The following HACL1 variants were observed in gnomAD, a reference collection of about 807,000 sequenced individuals.
The protein encoded by HACL1 is 1600020H07Rik.
HACL1 carries 64 observed loss-of-function variants against 74.2 expected under a neutral mutation model. The ratio of observed to expected loss-of-function variants is 0.86; its 90% CI spans 0.70 to 1.06. The LOEUF is 1.06. Ranked by LOEUF, HACL1 falls within the 50% of genes least tolerant of loss-of-function variation. The probability of loss-of-function intolerance (pLI) is 0.00; values close to 1 mark genes in which losing one functional copy is unlikely to be tolerated. For synonymous variants in HACL1, 230 were observed against 238.8 expected (o/e 0.96, Z 0.34); for missense variants, 728 against 719.7 (o/e 1.01, Z -0.13).
At chr3:15,592,516 GTATACA>G (rs1347604792) in intron 3 of HACL1, among the ~76,000 whole-genome samples, 9 of 144,674 alleles carry the variant, frequency 6.2e-5, no homozygotes, top group Non-Finnish European at 1.3e-4. Context: ...ATATACACTT[GTATACA>G]TATACACATG....
At chr3:15,578,854 T>A (rs2063671175) in intron 9 of HACL1, among the ~76,000 whole-genome samples, 1 of 152,098 alleles carries the variant, frequency 6.6e-6, no homozygotes, top group Non-Finnish European at 1.5e-5. Context: ...TGTGATACTA[T>A]AAGGGAGCAG....
intron 4 of HACL1, among the ~76,000 whole-genome samples, chr3:15,589,940 TAGA>T (rs768542519): frequency 6.6e-6 from 1 of 151,714 alleles, no homozygotes; most frequent in African/African-American, 2.4e-5. Context: ...GAGGCTGAGG[TAGA>T]AGAATTGCTT....
intron 5 of HACL1, among the ~76,000 whole-genome samples, chr3:15,587,826 A>T (rs1035790925): frequency 1.3e-5 from 2 of 152,188 alleles, no homozygotes; most frequent in Non-Finnish European, 2.9e-5. Context: ...ATCATATATG[A>T]AATTTTATTT....
intron 5 of HACL1, among the ~76,000 whole-genome samples, chr3:15,588,939 C>T (rs1322238021): frequency 1.3e-5 from 2 of 151,940 alleles, no homozygotes; most frequent in Non-Finnish European, 1.5e-5. Flanking sequence ...ATTTTTATTC[C>T]TACATCTTCT....
At chr3:15,583,486 G>A (rs2063744684) in intron 7 of HACL1, among the ~76,000 whole-genome samples, 1 of 152,020 alleles carries the variant, frequency 6.6e-6, no homozygotes, top group Admixed American at 6.6e-5. Flanking sequence ...ATGAGGTTAG[G>A]TATTAACATC....
At chr3:15,573,307 T>A in intron 10 of HACL1, 65 bp from the exon 11 acceptor site, 1 of 878,326 alleles carries the variant, frequency 1.1e-6, no homozygotes, top group Non-Finnish European at 1.9e-6. Context: ...AGAAGGCAAT[T>A]ACGATTGAAT....
At chr3:15,589,196 T>C (rs1276854972) in intron 5 of HACL1, among the ~76,000 whole-genome samples, 1 of 152,192 alleles carries the variant, frequency 6.6e-6, no homozygotes, top group African/African-American at 2.4e-5. Context: ...ATTGTGTTAC[T>C]AAAATCTTAA....
intron 14 of HACL1, among the ~76,000 whole-genome samples, chr3:15,565,729 T>G (rs2063423742): frequency 1.3e-5 from 2 of 152,212 alleles, no homozygotes; most frequent in Admixed American, 1.3e-4. Flanking sequence ...AAGTCATCTT[T>G]TTTGTGTATA....
chr3:15,576,361 G>A (rs954802024), intron 9 of HACL1, among the ~76,000 whole-genome samples: 1 of 151,808 alleles, frequency 6.6e-6, no homozygotes. Flanking sequence ...CTAGAAGCAG[G>A]TTATTTTTAA....
In HACL1 at chr3:15,567,919, G is replaced by C. The variant is rs748667637; in HGVS notation, c.1334C>G (p.Pro445Arg). 1 of 1,614,032 alleles carries C rather than the reference G, an allele frequency of 6.2e-7. No individual in the cohort carries two copies. Among genetic ancestry groups the C allele is most frequent in the Admixed American group, 1.7e-5 (1 of 60,030 alleles). Residue 445 changes from proline (P) to arginine (R), a missense_variant, in exon 14 of 17, where the codon CCT becomes CGT. By Grantham distance (103) the Pro-to-Arg change is moderately radical (BLOSUM62 -2). Coordinates refer to ENST00000321169, the MANE Select transcript of HACL1 (RefSeq NM_012260.4). ...TTCCACACAGATGATCCATTGCCCAGGGCTTCTATCTTTAGCCACCACGGC... is the reference window on the plus strand; with the variant it reads ...TTCCACACAGATGATCCATTGCCCACGGCTTCTATCTTTAGCCACCACGGC... The part of the protein sequence containing the change: ...AAAVVAKDRS[P>R]GQWIICVEGD...
intron 11 of HACL1, 59 bp from the exon 12 acceptor site, chr3:15,571,828 T>TC (rs375968039): frequency 5.5e-6 from 2 of 366,234 alleles, no homozygotes; most frequent in Admixed American, 4.8e-5. Flanking sequence ...GCCTTTTTTT[T>TC]CTTTTTTTTT....
intron 11 of HACL1, 46 bp downstream of exon 11, chr3:15,573,113 T>C (rs375031335): frequency 1.1e-5 from 11 of 979,890 alleles, no homozygotes; most frequent in Non-Finnish European, 1.8e-5. Context: ...AAGAATTGAC[T>C]ATTCCCTAAT....
chr3:15,594,364 C>T (rs1425253102), intron 3 of HACL1, among the ~76,000 whole-genome samples: 1 of 152,098 alleles, frequency 6.6e-6, no homozygotes, highest in Non-Finnish European at 1.5e-5. Context: ...CGAGATGGTG[C>T]CACTGCACTC....
chr3:15,568,885 C>T (rs1446859004), intron 12 of HACL1, among the ~76,000 whole-genome samples: 1 of 152,228 alleles, frequency 6.6e-6, no homozygotes, highest in Non-Finnish European at 1.5e-5. Flanking sequence ...ACAGTAAAGA[C>T]AGCTGAGAAG....
Position 15,596,370 on chromosome 3 carries a change from A to G in HACL1, c.227+14T>C. 4 of 1,520,476 alleles carry G rather than the reference A, an allele frequency of 2.6e-6. No individual in the cohort carries two copies. Among genetic ancestry groups the G allele is most frequent in the Non-Finnish European group, 3.7e-6 (4 of 1,094,932 alleles). 94.2% of individuals were successfully genotyped at this position (1,520,476 alleles called of 1,614,324 possible). On this transcript the variant is annotated intron_variant, in intron 3 of 16. Transcript: ENST00000321169. ...AATATTAAAGTAATTGAAGTGAAAC[A>G]AATTTTAGTTTACCTGCTTGTCAGA...
rs116244815 is a variant in HACL1 at position 15,593,057 on chromosome 3, T to C, written c.228-1377A>G. On this transcript the variant is annotated intron_variant, in intron 3 of 16. Transcript: ENST00000321169. The stretch of plus-strand genomic sequence containing the variant: ...ATATATACTCTGGGCAAGAGTGAGA[T>C]GCTATCTCAAAAAAAGTGTATATAT... 4.0e-4 allele frequency among the ~76,000 whole-genome samples: 57 copies of C among 142,730 alleles called. 4 individuals carry two copies. Among genetic ancestry groups the C allele is most frequent in the African/African-American group, 1.4e-3 (51 of 35,394 alleles). 93.6% of individuals were successfully genotyped at this position (142,730 alleles called of 152,430 possible).
At chr3:15,584,900 T>C (rs1015604117) in intron 7 of HACL1, among the ~76,000 whole-genome samples, 3 of 152,172 alleles carry the variant, frequency 2.0e-5, no homozygotes, top group African/African-American at 7.2e-5. Context: ...TGAGTCCTAA[T>C]ACTTTTTAAT....
chr3:15,571,819 C>CTTTT, intron 11 of HACL1, 50 bp from the exon 12 acceptor site: 1 of 477,986 alleles, frequency 2.1e-6, no homozygotes, highest in Non-Finnish European at 3.6e-6. Flanking sequence ...TTTTTCTTTG[C>CTTTT]CTTTTTTTTC....
intron 6 of HACL1, among the ~76,000 whole-genome samples, chr3:15,585,858 CAAG>C (rs2063786262): frequency 6.6e-6 from 1 of 152,036 alleles, no homozygotes; most frequent in Non-Finnish European, 1.5e-5. Context: ...TAGTGTGTGC[CAAG>C]AAGATGATAC....
Sources: gnomAD v4.1 joint callset for allele counts (sites outside exome capture counted in the v4.1 genomes callset) on GRCh38, gnomAD v4.1.1 for gene constraint, MANE v1.5 for transcripts, NCBI Gene and HGNC (gene_info 2026-07-23, HGNC 2026-07-21) for gene names.